Variants in ZNF804A observed in about 807,000 individuals in gnomAD.
ZNF804A encodes the protein zinc finger protein 804A.
In ZNF804A, 2 loss-of-function variants were observed where a neutral mutation model predicts 16.5. The observed-to-expected ratio is 0.12, with a 90% CI of 0.05 to 0.38. The LOEUF (loss-of-function observed/expected upper bound fraction) is 0.38, where lower values mean the gene tolerates loss of function less well. Among genes scored for constraint, ZNF804A ranks in the 10% least tolerant of loss-of-function variants. The pLI is 0.99. For missense variants in ZNF804A, 1,473 were observed against 1,390.7 expected (o/e 1.06, Z -0.94); for synonymous variants, 534 against 489.6 (o/e 1.09, Z -1.20).
chr2:184,853,551 T>G (rs1219945615), intron 1 of ZNF804A, among the ~76,000 whole-genome samples: 2 of 151,876 alleles, frequency 1.3e-5, no homozygotes, highest in Non-Finnish European at 2.9e-5. Context: ...ATGGCCTTCA[T>G]TGTGTTAATG....
At chr2:184,849,241 G>A (rs1483974945) in intron 1 of ZNF804A, among the ~76,000 whole-genome samples, 1 of 152,140 alleles carries the variant, frequency 6.6e-6, no homozygotes, top group African/African-American at 2.4e-5. Context: ...TTATCAGTAT[G>A]GAGCGGGATT....
intron 2 of ZNF804A, among the ~76,000 whole-genome samples, chr2:184,928,142 C>T (rs2105840030): frequency 6.6e-6 from 1 of 152,252 alleles, no homozygotes; most frequent in East Asian, 1.9e-4. Context: ...GAAGTACTAC[C>T]TGGGTATTGC....
intron 1 of ZNF804A, among the ~76,000 whole-genome samples, chr2:184,662,440 A>G (rs1005938536): frequency 3.3e-5 from 5 of 152,238 alleles, no homozygotes; most frequent in African/African-American, 9.6e-5. Flanking sequence ...TAAAGAAAAT[A>G]TAAGTGTCCA....
chr2:184,695,317 C>T (rs971249333), intron 1 of ZNF804A, among the ~76,000 whole-genome samples: 2 of 151,136 alleles, frequency 1.3e-5, no homozygotes, highest in Non-Finnish European at 3.0e-5. Flanking sequence ...AAAAATTAGC[C>T]GGGTGAGGTG....
chr2:184,683,155 T>C (rs1042111254), intron 1 of ZNF804A, among the ~76,000 whole-genome samples: 9 of 152,252 alleles, frequency 5.9e-5, no homozygotes, highest in African/African-American at 1.9e-4. Flanking sequence ...CATCGTATTA[T>C]GTCTCTGTGT....
At chr2:184,923,521 T>A (rs1049392392) in intron 2 of ZNF804A, among the ~76,000 whole-genome samples, 2 of 151,898 alleles carry the variant, frequency 1.3e-5, no homozygotes, top group African/African-American at 4.8e-5. Context: ...TCCTTTCCAA[T>A]TTGGATGCCT....
At chr2:184,897,410 A>AT (rs5836927) in intron 2 of ZNF804A, among the ~76,000 whole-genome samples, 62,408 of 143,410 alleles carry the variant, frequency 0.44, 16,444 homozygotes, top group East Asian at 0.81. Context: ...CAATTTTTGG[A>AT]TTTTTCCCCC....
chr2:184,857,883 T>TG (rs1335173419), intron 1 of ZNF804A, among the ~76,000 whole-genome samples: 1 of 152,122 alleles, frequency 6.6e-6, no homozygotes, highest in Non-Finnish European at 1.5e-5. Flanking sequence ...AGCACATAGT[T>TG]GGGTCTTGTT....
chr2:184,854,461 A>G (rs1695657401), intron 1 of ZNF804A, among the ~76,000 whole-genome samples: 1 of 151,996 alleles, frequency 6.6e-6, no homozygotes, highest in Admixed American at 6.6e-5. Context: ...GTAAAGTTCG[A>G]TGTGCATTAC....
At chr2:184,932,795 C>A (rs950739279) in intron 2 of ZNF804A, among the ~76,000 whole-genome samples, 8 of 152,102 alleles carry the variant, frequency 5.3e-5, no homozygotes, top group Admixed American at 2.6e-4. Context: ...CAAAATTATA[C>A]CACACACACG....
At chr2:184,626,791 C>T (rs1691507950) in intron 1 of ZNF804A, among the ~76,000 whole-genome samples, 1 of 152,086 alleles carries the variant, frequency 6.6e-6, no homozygotes, top group Non-Finnish European at 1.5e-5. Context: ...GTAATACCAA[C>T]ATGTTAATTT....
At chr2:184,844,470 A>C (rs1001810227) in intron 1 of ZNF804A, among the ~76,000 whole-genome samples, 2 of 152,090 alleles carry the variant, frequency 1.3e-5, no homozygotes, top group Non-Finnish European at 2.9e-5. Context: ...CTTTTGAGAA[A>C]TAATTTCACT....
intron 1 of ZNF804A, among the ~76,000 whole-genome samples, chr2:184,772,247 T>C (rs1341032581): frequency 6.7e-6 from 1 of 150,356 alleles, no homozygotes; most frequent in Non-Finnish European, 1.5e-5. Context: ...TTAGAATATT[T>C]TCATCACTCC....
intron 1 of ZNF804A, among the ~76,000 whole-genome samples, chr2:184,759,252 G>A (rs190157173): frequency 1.3e-4 from 19 of 151,548 alleles, no homozygotes; most frequent in African/African-American, 4.6e-4. Context: ...GTAAAAGAGT[G>A]CATTGTTAAA....
intron 2 of ZNF804A, among the ~76,000 whole-genome samples, chr2:184,908,440 T>G (rs1283358526): frequency 2.0e-5 from 3 of 152,150 alleles, no homozygotes; most frequent in African/African-American, 7.2e-5. Flanking sequence ...ACAATATTCT[T>G]CTTTTAAGGT....
intron 2 of ZNF804A, chr2:184,902,600 G>A (rs750963750): frequency 6.6e-6 from 1 of 152,166 alleles, no homozygotes; most frequent in African/African-American, 2.4e-5. Context: ...AATCTAATAT[G>A]CTGTGTCTCA....
chr2:184,857,478 T>C (rs1310022353), intron 1 of ZNF804A, among the ~76,000 whole-genome samples: 1 of 152,138 alleles, frequency 6.6e-6, no homozygotes, highest in Non-Finnish European at 1.5e-5. Flanking sequence ...ACTCCGTACA[T>C]GTTGGTTAGG....
chr2:184,701,422 A>G (rs181973206), intron 1 of ZNF804A, among the ~76,000 whole-genome samples: 316 of 152,090 alleles, frequency 2.1e-3, no homozygotes, highest in Non-Finnish European at 2.6e-3. Flanking sequence ...AAATAATTTG[A>G]ATATATACCT....
At chr2:184,697,847 A>G (rs1399352570) in intron 1 of ZNF804A, among the ~76,000 whole-genome samples, 1 of 152,048 alleles carries the variant, frequency 6.6e-6, no homozygotes, top group Non-Finnish European at 1.5e-5. Flanking sequence ...GTGGCTTTTA[A>G]ACTATCCTCA....
Sources: gnomAD v4.1 joint callset for allele counts (sites outside exome capture counted in the v4.1 genomes callset) on GRCh38, gnomAD v4.1.1 for gene constraint, MANE v1.5 for transcripts, NCBI Gene and HGNC (gene_info 2026-07-23, HGNC 2026-07-21) for gene names.